Variants in SWT1 observed in about 807,000 individuals in gnomAD.
SWT1 encodes the protein SWT1 RNA endoribonuclease homolog.
In SWT1, 33 loss-of-function variants were observed where a neutral mutation model predicts 107.3. The observed-to-expected ratio is 0.31, with a 90% CI of 0.23 to 0.41. The LOEUF is 0.41. Ranked by LOEUF, SWT1 falls within the 10% of genes least tolerant of loss-of-function variation. The pLI, the probability that SWT1 is intolerant of heterozygous loss-of-function variation, is 1.00. For missense variants in SWT1, 898 were observed against 1,028.9 expected (o/e 0.87, Z 1.74); for synonymous variants, 345 against 348.3 (o/e 0.99, Z 0.11).
chr1:185,203,896 T>C (rs1658094435), intron 11 of SWT1, among the ~76,000 whole-genome samples: 1 of 152,202 alleles, frequency 6.6e-6, no homozygotes, highest in East Asian at 1.9e-4. Flanking sequence ...CAAAATGGCC[T>C]TTGAAGGAAT....
At position 185,184,844 on chromosome 1, in the gene SWT1, C is replaced by G; in HGVS notation, c.1342C>G (p.Pro448Ala). 1 of 1,571,352 alleles carries G rather than the reference C, an allele frequency of 6.4e-7. No homozygotes were observed. Among genetic ancestry groups the G allele is most frequent in the Middle Eastern group, 1.7e-4 (1 of 5,878 alleles). The change falls in exon 9 of 19, where the codon CCT becomes GCT. Residue 448 changes from proline to alanine, a missense_variant. Around this residue, in one of 6 missense-constraint regions of SWT1, gnomAD observed 34 missense variants for 50.2 expected, o/e 0.68. Coordinates refer to ENST00000367500, the MANE Select transcript of SWT1 (RefSeq NM_017673.7). Reference protein sequence around the residue: ...LLKRAQHKAIPAVHFINDSLK... With the variant: ...LLKRAQHKAIAAVHFINDSLK... ...AAAACGTGCCCAGCACAAAGCTATA[C>G]CTGCAGTTCATTTCATCAACGACAG...
In SWT1 at chr1:185,290,669, C is replaced by T; in HGVS notation, c.2574-5C>T. 1 of 1,559,828 alleles carries T rather than the reference C, an allele frequency of 6.4e-7. No individual in the cohort carries two copies. On this transcript the variant is annotated splice_region_variant and splice_polypyrimidine_tract_variant and intron_variant, in intron 18 of 18. Coordinates refer to ENST00000367500, the MANE Select transcript of SWT1 (RefSeq NM_017673.7). Reference sequence around the variant, plus strand: ...GCAATGATTTAATATTTCTTTTTCTCCTAGGGAAAAGTTAACCATTGGATG... The same window carrying T: ...GCAATGATTTAATATTTCTTTTTCTTCTAGGGAAAAGTTAACCATTGGATG...
chr1:185,259,393 A>G (rs1385528958), intron 16 of SWT1, among the ~76,000 whole-genome samples: 2 of 152,202 alleles, frequency 1.3e-5, no homozygotes, highest in Admixed American at 6.5e-5. Flanking sequence ...TTGAATCTTC[A>G]TACCATAATT....
chr1:185,191,719 A>G (rs1326831019), intron 10 of SWT1, among the ~76,000 whole-genome samples: 1 of 152,152 alleles, frequency 6.6e-6, no homozygotes, highest in Non-Finnish European at 1.5e-5. Context: ...TATATAAATC[A>G]TTTTGAATTT....
At chr1:185,227,452 A>G (rs1362804876) in intron 15 of SWT1, 1 of 616,324 alleles carries the variant, frequency 1.6e-6, no homozygotes, top group African/African-American at 1.8e-5. Context: ...TTATTTTGGC[A>G]GTTTGTGTAC....
At chr1:185,171,848 T>TG in intron 4 of SWT1, 1 of 335,148 alleles carries the variant, frequency 3.0e-6, no homozygotes, top group Non-Finnish European at 5.8e-6. Flanking sequence ...AGTAAGTAGC[T>TG]GGGACTACAG....
chr1:185,246,402 G>A (rs1407844949), intron 16 of SWT1, among the ~76,000 whole-genome samples: 1 of 151,534 alleles, frequency 6.6e-6, no homozygotes, highest in Admixed American at 6.6e-5. Flanking sequence ...TCAGCCTCCC[G>A]AGTAGCTGGG....
intron 18 of SWT1, chr1:185,280,822 T>G (rs1053105949): frequency 4.8e-5 from 17 of 354,274 alleles, no homozygotes; most frequent in Non-Finnish European, 9.0e-5. Flanking sequence ...GAGCCAGGAC[T>G]TGAGGGTTGG....
In SWT1 at chr1:185,160,845, T is replaced by G. The variant is rs749713656; in HGVS notation, c.4T>G (p.Ser2Ala). 6.2e-7 allele frequency: 1 copy of G among 1,610,704 alleles called. No homozygotes were observed. Among genetic ancestry groups the G allele is most frequent in the Admixed American group, 1.7e-5 (1 of 59,710 alleles). M[S>A]SKESCGKKET... ...ATGTTTATGTTAGCTTTTCAGGATG[T>G]CCAGCAAAGAATCCTGTGGGAAAAA... Residue 2 changes from serine to alanine, a missense_variant, in exon 2 of 19, where the codon TCC (serine) becomes GCC (alanine). Around this residue, in one of 6 missense-constraint regions of SWT1, gnomAD observed 382 missense variants for 362.4 expected, o/e 1.05. Coordinates refer to ENST00000367500, the MANE Select transcript of SWT1 (RefSeq NM_017673.7).
intron 10 of SWT1, among the ~76,000 whole-genome samples, chr1:185,198,082 T>C (rs1477904915): frequency 6.6e-6 from 1 of 152,240 alleles, no homozygotes; most frequent in Non-Finnish European, 1.5e-5. Flanking sequence ...TTTAGTGCTA[T>C]AAATTTCCCT....
chr1:185,219,797 T>G (rs906739836), intron 14 of SWT1, among the ~76,000 whole-genome samples: 5 of 152,066 alleles, frequency 3.3e-5, no homozygotes, highest in Non-Finnish European at 2.9e-5. Context: ...CACTGGCCAT[T>G]CTGTTTACTG....
intron 13 of SWT1, among the ~76,000 whole-genome samples, chr1:185,207,774 G>T (rs1284031942): frequency 1.3e-5 from 2 of 152,046 alleles, no homozygotes; most frequent in Admixed American, 6.6e-5. Flanking sequence ...TGTGGTGCAT[G>T]CCTGTAGACC....
At chr1:185,179,807 C>T (rs1655870048) in intron 5 of SWT1, among the ~76,000 whole-genome samples, 1 of 152,204 alleles carries the variant, frequency 6.6e-6, no homozygotes, top group Admixed American at 6.5e-5. Flanking sequence ...TGGAGCTTCT[C>T]TATTCTAGGG....
At chr1:185,226,476 C>T (rs932192491) in intron 15 of SWT1, among the ~76,000 whole-genome samples, 1 of 152,128 alleles carries the variant, frequency 6.6e-6, no homozygotes, top group Non-Finnish European at 1.5e-5. Context: ...TGGGTCATGC[C>T]TGTAATCCCA....
intron 16 of SWT1, among the ~76,000 whole-genome samples, chr1:185,257,100 A>G (rs1284869466): frequency 6.6e-6 from 1 of 152,098 alleles, no homozygotes; most frequent in Non-Finnish European, 1.5e-5. Flanking sequence ...CTCGGGGGTC[A>G]GGTGTCAGGG....
intron 16 of SWT1, chr1:185,251,477 T>C (rs980149223): frequency 2.0e-5 from 3 of 152,226 alleles, no homozygotes; most frequent in African/African-American, 7.2e-5. Flanking sequence ...TTGATCAGTT[T>C]TATGATTTAT....
In SWT1 at chr1:185,269,075, A is replaced by C. The variant is rs574054651; in HGVS notation, c.2442-2248A>C. On this transcript the variant is annotated intron_variant, in intron 16 of 18. Transcript: ENST00000367500. Reference sequence around the variant, plus strand: ...CACCGTGTTAGCCAGGATGGTCTCGATCTCCTGACCTCGTGATTTGCCCGC... The same window carrying C: ...CACCGTGTTAGCCAGGATGGTCTCGCTCTCCTGACCTCGTGATTTGCCCGC... 4.6e-5 allele frequency among the ~76,000 whole-genome samples: 7 copies of C among 151,890 alleles called. 1 individual carries two copies. Among genetic ancestry groups the C allele is most frequent in the African/African-American group, 1.7e-4 (7 of 41,450 alleles).
At chr1:185,276,935 C>CT (rs1314409780) in intron 18 of SWT1, among the ~76,000 whole-genome samples, 2 of 151,648 alleles carry the variant, frequency 1.3e-5, no homozygotes, top group African/African-American at 2.4e-5. Context: ...TCCCAAAGAG[C>CT]TTTTTTTTGT....
rs1489006046 is a variant in SWT1 at position 185,187,162 on chromosome 1, GCTT to G, written c.1429+2234_1429+2236del. Among the ~76,000 whole-genome samples the G allele has an allele frequency of 2.7e-5, 4 of 148,874 alleles. No individual in the cohort carries two copies. In the Admixed American group the frequency reaches 2.7e-4, roughly 10 times the overall value. ...CCACCTCCTAGCTCCACCTTCAAGA[GCTT>G]CTCGTGCCTCAGCCTCCTAGAGTAG... On this transcript the variant is annotated intron_variant, in intron 9 of 18. Coordinates refer to ENST00000367500, the MANE Select transcript of SWT1 (RefSeq NM_017673.7).
Sources: gnomAD v4.1 joint callset for allele counts (sites outside exome capture counted in the v4.1 genomes callset) on GRCh38, gnomAD v4.1.1 for gene constraint, gnomAD v4.1.1 regional missense constraint, MANE v1.5 for transcripts, NCBI Gene and HGNC (gene_info 2026-07-23, HGNC 2026-07-21) for gene names.